The following RBFOX1 variants were observed in gnomAD, a reference collection of about 807,000 sequenced individuals.
The protein encoded by RBFOX1 is RNA binding protein fox-1 homolog 1.
Under a neutral mutation model 57.7 loss-of-function variants are expected in RBFOX1, and 8 were observed. That is an observed-to-expected ratio of 0.14 (90% CI 0.08 to 0.25). RBFOX1 has a LOEUF of 0.25. Among genes scored for constraint, RBFOX1 ranks in the 10% least tolerant of loss-of-function variants. RBFOX1 has a pLI of 1.00. For synonymous variants in RBFOX1, 326 were observed against 222.4 expected, an observed-to-expected ratio of 1.47 and a Z score of -4.15; for missense variants, 611 against 548.5, an observed-to-expected ratio of 1.11 and a Z score of -1.14.
intron 3 of RBFOX1, among the ~76,000 whole-genome samples, chr16:6,672,852 C>G (rs914734562): frequency 6.6e-6 from 1 of 152,148 alleles, no homozygotes; most frequent in Non-Finnish European, 1.5e-5. Context: ...GGACCTATCT[C>G]TGATGTTATG....
At chr16:6,253,327 C>G (rs914487605) in intron 1 of RBFOX1, among the ~76,000 whole-genome samples, 1 of 152,166 alleles carries the variant, frequency 6.6e-6, no homozygotes, top group Non-Finnish European at 1.5e-5. Flanking sequence ...ACATCTGTCA[C>G]TGACGTTGCA....
intron 4 of RBFOX1, among the ~76,000 whole-genome samples, chr16:7,113,853 C>G (rs1488122869): frequency 6.6e-6 from 1 of 152,160 alleles, no homozygotes; most frequent in Admixed American, 6.6e-5. Flanking sequence ...CAAGTTTTCA[C>G]AGTTACTCAC....
chr16:6,201,967 G>A (rs1298199453), intron 1 of RBFOX1, among the ~76,000 whole-genome samples: 1 of 152,086 alleles, frequency 6.6e-6, no homozygotes, highest in Non-Finnish European at 1.5e-5. Context: ...GTCAACTCAG[G>A]TCCCCATTGT....
At chr16:5,422,210 G>GGGA (rs1567484561) in intron 1 of RBFOX1, among the ~76,000 whole-genome samples, 10 of 149,950 alleles carry the variant, frequency 6.7e-5, no homozygotes, top group African/African-American at 2.5e-4. Flanking sequence ...GGAGAAAGGT[G>GGGA]GAGGAGAGAG....
chr16:6,122,975 T>C (rs909629717), intron 1 of RBFOX1, among the ~76,000 whole-genome samples: 2 of 151,170 alleles, frequency 1.3e-5, no homozygotes, highest in Non-Finnish European at 1.5e-5. Context: ...AAAAAAACTA[T>C]TGGAAATATG....
At chr16:6,347,960 C>T (rs1003104134) in intron 2 of RBFOX1, among the ~76,000 whole-genome samples, 1 of 152,198 alleles carries the variant, frequency 6.6e-6, no homozygotes, top group African/African-American at 2.4e-5. Flanking sequence ...TAGCTTACTC[C>T]TGAATACAAG....
chr16:6,563,067 G>T (rs1489094108), intron 2 of RBFOX1, among the ~76,000 whole-genome samples: 1 of 151,854 alleles, frequency 6.6e-6, no homozygotes, highest in Non-Finnish European at 1.5e-5. Context: ...GGGGCAGGGG[G>T]CCATGGAGTA....
intron 2 of RBFOX1, among the ~76,000 whole-genome samples, chr16:6,338,239 C>CCT (rs1204575596): frequency 1.3e-5 from 2 of 152,062 alleles, no homozygotes; most frequent in African/African-American, 4.8e-5. Context: ...AACACACACA[C>CCT]CTACACCTGT....
Position 6,142,261 on chromosome 16 carries a change from A to G in RBFOX1, c.-127+122269A>G, listed in dbSNP as rs556070793. ...TTTGGAGACGGAGTCTTGCTCTGTC[A>G]CCCAGGCTGGAGTGAAATGGCGTGA... On this transcript the variant is annotated intron_variant, in intron 1 of 15. Coordinates refer to ENST00000550418, the MANE Select transcript of RBFOX1 (RefSeq NM_018723.4). Among the ~76,000 whole-genome samples the G allele has an allele frequency of 2.5e-4, 33 of 131,284 alleles. 1 individual carries two copies. The East Asian group carries it at 6.9e-3, about 28-fold the overall frequency. The allele number at this position is 131,284 out of a possible 152,430, so 86.1% of individuals were successfully genotyped here.
chr16:6,049,656 A>G (rs773780613), intron 1 of RBFOX1, among the ~76,000 whole-genome samples: 5 of 152,066 alleles, frequency 3.3e-5, no homozygotes, highest in African/African-American at 4.8e-5. Context: ...TAATTTTCCA[A>G]TTTTTTCAAA....
chr16:5,675,377 A>C (rs2050135190), intron 3 of RBFOX1, among the ~76,000 whole-genome samples: 1 of 152,190 alleles, frequency 6.6e-6, no homozygotes, highest in African/African-American at 2.4e-5. Context: ...CTTTGGGCTA[A>C]GCACATTGGT....
At chr16:7,158,551 C>G (rs892719432) in intron 4 of RBFOX1, among the ~76,000 whole-genome samples, 7 of 151,826 alleles carry the variant, frequency 4.6e-5, no homozygotes, top group African/African-American at 1.7e-4. Context: ...CTGTGTGTAT[C>G]TATGTCTGTG....
At chr16:7,147,494 A>G (rs1468752998) in intron 4 of RBFOX1, among the ~76,000 whole-genome samples, 1 of 151,916 alleles carries the variant, frequency 6.6e-6, no homozygotes, top group African/African-American at 2.4e-5. Context: ...CATAGTCTCC[A>G]GTGTCTTTTG....
At chr16:6,148,157 G>A (rs566431361) in intron 1 of RBFOX1, among the ~76,000 whole-genome samples, 44 of 152,280 alleles carry the variant, frequency 2.9e-4, no homozygotes, top group African/African-American at 8.2e-4. Context: ...GGTGAAACCC[G>A]TCTCTACTAA....
At chr16:6,500,856 A>C (rs1003057466) in intron 2 of RBFOX1, among the ~76,000 whole-genome samples, 59 of 45,930 alleles carry the variant, frequency 1.3e-3, no homozygotes, top group Admixed American at 9.3e-4. Context: ...ATTGTCTTTT[A>C]TCTCAGCCCT....
At chr16:6,887,656 T>G (rs1319233795) in intron 3 of RBFOX1, among the ~76,000 whole-genome samples, 2 of 143,868 alleles carry the variant, frequency 1.4e-5, no homozygotes, top group Admixed American at 1.3e-4. Context: ...TTTTGCTGTC[T>G]TTCCATAGTC....
intron 4 of RBFOX1, among the ~76,000 whole-genome samples, chr16:7,209,815 A>C (rs1458336841): frequency 2.0e-5 from 3 of 152,166 alleles, no homozygotes; most frequent in Non-Finnish European, 1.5e-5. Flanking sequence ...TGGATGATGC[A>C]ATAGATGAAT....
At position 7,096,200 on chromosome 16, in the gene RBFOX1, C is replaced by G. The variant is rs1171821806; in HGVS notation, c.27+44102C>G. Among the ~76,000 whole-genome samples the G allele has an allele frequency of 2.6e-5, 4 of 152,040 alleles. No individual in the cohort carries two copies. In the East Asian group the frequency reaches 7.7e-4, roughly 29 times the overall value. ...AATAACAAAACTGGTAACCATCGAG[C>G]AAAAGTAGTCGATAAAAGTGTTATT... is the stretch of plus-strand genomic sequence containing the variant. On this transcript the variant is annotated intron_variant, in intron 4 of 15. Coordinates refer to ENST00000550418, the MANE Select transcript of RBFOX1 (RefSeq NM_018723.4).
At position 7,540,180 on chromosome 16, in the gene RBFOX1, A is replaced by G. The variant is rs373164236; in HGVS notation, c.270+21791A>G. Among the ~76,000 whole-genome samples the G allele has an allele frequency of 8.5e-4, 129 of 152,308 alleles. 1 individual carries two copies. Among genetic ancestry groups the G allele is most frequent in the African/African-American group, 2.9e-3 (119 of 41,574 alleles). On this transcript the variant is annotated intron_variant, in intron 5 of 15. Coordinates refer to ENST00000550418, the MANE Select transcript of RBFOX1 (RefSeq NM_018723.4). ...CTGCTACTTTAGAGTTATCTTTTAT[A>G]GTGTACTCCCAAGCTTGCGATGTTG...
Sources: allele counts gnomAD v4.1 joint callset (sites outside exome capture counted in the v4.1 genomes callset), GRCh38; gene constraint gnomAD v4.1.1; transcripts MANE v1.5; gene names NCBI Gene and HGNC (gene_info 2026-07-23, HGNC 2026-07-21).